Variants in FAM53A observed in about 807,000 individuals in gnomAD.
FAM53A encodes protein FAM53A.
A neutral mutation model predicts 26.6 loss-of-function variants in FAM53A; 28 were observed. That is an observed-to-expected ratio of 1.05 (90% CI 0.78 to 1.45). The LOEUF (loss-of-function observed/expected upper bound fraction) is 1.45. Ranked by LOEUF, FAM53A falls within the 40% of genes most tolerant of loss-of-function variation. FAM53A has a pLI of 0.00. For synonymous variants in FAM53A, 290 were observed against 253.1 expected, an observed-to-expected ratio of 1.15 and a Z score of -1.38; for missense variants, 650 against 575.8, an observed-to-expected ratio of 1.13 and a Z score of -1.32.
At chr4:1,685,707 A>T (rs1715775445), upstream of FAM53A, among the ~76,000 whole-genome samples, 1 of 152,140 alleles carries the variant, frequency 6.6e-6, no homozygotes, top group Non-Finnish European at 1.5e-5. Flanking sequence ...GGGCTGGAGC[A>T]GGCGTCCAGG....
intron 4 of FAM53A, among the ~76,000 whole-genome samples, chr4:1,650,973 C>A (rs184033249): frequency 2.7e-5 from 4 of 149,422 alleles, no homozygotes; most frequent in Non-Finnish European, 3.0e-5. Context: ...AATCCCAGCA[C>A]TTTGGGAGGC....
intron 1 of FAM53A, among the ~76,000 whole-genome samples, chr4:1,631,670 T>C (rs1035274950): frequency 1.3e-5 from 2 of 151,696 alleles, no homozygotes; most frequent in Non-Finnish European, 2.9e-5. Flanking sequence ...GAAAAAGCTA[T>C]AGAAACACTG....
intron 4 of FAM53A, among the ~76,000 whole-genome samples, chr4:1,650,078 T>TTGAC (rs1712627565): frequency 7.5e-6 from 1 of 132,510 alleles, no homozygotes; most frequent in South Asian, 2.7e-4. Context: ...GGCGTGGTGT[T>TTGAC]TGTGAGGTGG....
At chr4:1,614,159 G>C (rs1415980399), downstream of FAM53A, among the ~76,000 whole-genome samples, 1 of 152,208 alleles carries the variant, frequency 6.6e-6, no homozygotes, top group Non-Finnish European at 1.5e-5. Flanking sequence ...CCGCCGGCAA[G>C]GACAGGAGGA....
At chr4:1,667,326 G>T (rs113595823) in intron 2 of FAM53A, among the ~76,000 whole-genome samples, 2 of 152,032 alleles carry the variant, frequency 1.3e-5, no homozygotes, top group Non-Finnish European at 2.9e-5. Context: ...AATGAGAACC[G>T]GCCACAGCAT....
chr4:1,577,223 CAG>C, the FAM53A span, among the ~76,000 whole-genome samples: 1 of 152,190 alleles, frequency 6.6e-6, no homozygotes, highest in African/African-American at 2.4e-5. Flanking sequence ...GGGGAGCACA[CAG>C]GGAGAGCAGA....
the FAM53A span, among the ~76,000 whole-genome samples, chr4:1,612,824 C>T: frequency 2.6e-5 from 4 of 152,326 alleles, no homozygotes; most frequent in East Asian, 3.9e-4. Context: ...TGCATGCTCT[C>T]GGGCACGTGA....
the FAM53A span, among the ~76,000 whole-genome samples, chr4:1,606,297 G>A: frequency 1.3e-4 from 19 of 151,404 alleles, no homozygotes; most frequent in African/African-American, 1.9e-4. Flanking sequence ...CTCCCGCCTC[G>A]GCCTCCCAAA....
At chr4:1,624,866 C>T (rs1360397232) in intron 1 of FAM53A, among the ~76,000 whole-genome samples, 7 of 152,156 alleles carry the variant, frequency 4.6e-5, no homozygotes, top group African/African-American at 9.7e-5. Flanking sequence ...TCCTATGTCC[C>T]GGCCCACGTG....
chr4:1,658,736 C>G (rs190797870), intron 2 of FAM53A, among the ~76,000 whole-genome samples: 2 of 152,358 alleles, frequency 1.3e-5, no homozygotes, highest in East Asian at 3.9e-4. Flanking sequence ...TCTGCTTCCA[C>G]GCACTGGCCC....
the FAM53A span, among the ~76,000 whole-genome samples, chr4:1,585,615 C>T: frequency 6.6e-6 from 1 of 152,110 alleles, no homozygotes; most frequent in Non-Finnish European, 1.5e-5. Context: ...CTCAGTTCAA[C>T]TTCTTTAGAG....
chr4:1,595,292 T>A, the FAM53A span, among the ~76,000 whole-genome samples: 1 of 152,214 alleles, frequency 6.6e-6, no homozygotes, highest in Non-Finnish European at 1.5e-5. Context: ...GGCTCCTCTT[T>A]GTACAGACGC....
intron 1 of FAM53A, among the ~76,000 whole-genome samples, chr4:1,669,750 C>T (rs1714495127): frequency 2.0e-5 from 3 of 152,226 alleles, no homozygotes; most frequent in Admixed American, 2.0e-4. Flanking sequence ...GCAAGGCCTT[C>T]CTCAGCAGCA....
rs1714084165 is a variant in FAM53A, at chr4:1,664,570, A to T, written c.75+4097T>A. Among the ~76,000 whole-genome samples, 3 of 152,232 alleles carry T rather than the reference A, an allele frequency of 2.0e-5. No individual in the cohort carries two copies. The South Asian group carries it at 6.2e-4, about 32-fold the overall frequency. On this transcript the variant is annotated intron_variant, in intron 2 of 4. Coordinates refer to ENST00000308132, the MANE Select transcript of FAM53A (RefSeq NM_001174070.3). ...CTTGTTTCCTTGAATGTTAGAAGTA[A>T]CTTGTGTTTAGATATTCAGTTGACA...
At position 1,655,158 on chromosome 4, in the gene FAM53A, A is replaced by C. The variant is rs778410478; in HGVS notation, c.702T>G (p.Thr234=). The C allele has an allele frequency of 1.6e-5, 26 of 1,579,170 alleles. No homozygotes were observed. Among genetic ancestry groups the C allele is most frequent in the Non-Finnish European group, 2.1e-5 (25 of 1,167,032 alleles). Residue 234 remains threonine, a synonymous_variant, in exon 4 of 5, where the codon ACT becomes ACG. Transcript: ENST00000308132. ...GGCTGCTGCTGGCCCAGGGCAGGGG[A>C]GTGCCCGCACCCGCGAGTCGCTCCT... The part of the protein sequence containing the change: ...LSQERLAGAG[T]PLPWASSSPT...
At chr4:1,683,087 C>T (rs1196328706) in intron 1 of FAM53A, among the ~76,000 whole-genome samples, 1 of 152,188 alleles carries the variant, frequency 6.6e-6, no homozygotes, top group Non-Finnish European at 1.5e-5. Context: ...CTCAAGGAGG[C>T]GGGACAATGG....
chr4:1,633,025 C>T (rs1207266924), intron 1 of FAM53A, among the ~76,000 whole-genome samples: 2 of 132,048 alleles, frequency 1.5e-5, no homozygotes, highest in East Asian at 4.2e-4. Context: ...TAGGTACACG[C>T]TCATGCTCAC....
intron 2 of FAM53A, among the ~76,000 whole-genome samples, chr4:1,664,176 G>A (rs1454920623): frequency 1.3e-5 from 2 of 152,238 alleles, no homozygotes; most frequent in Non-Finnish European, 2.9e-5. Flanking sequence ...ATCTCTGAGA[G>A]TTTTAGGTGT....
the FAM53A span, among the ~76,000 whole-genome samples, chr4:1,591,931 G>C: frequency 6.6e-6 from 1 of 152,220 alleles, no homozygotes; most frequent in Admixed American, 6.5e-5. Flanking sequence ...CTTCTTGGGT[G>C]CAGGGTAGAA....
Sources: allele counts gnomAD v4.1 joint callset (sites outside exome capture counted in the v4.1 genomes callset), GRCh38; gene constraint gnomAD v4.1.1; transcripts MANE v1.5; gene names NCBI Gene and HGNC (gene_info 2026-07-23, HGNC 2026-07-21).